Variants in EPC2 observed in about 807,000 individuals in gnomAD.
EPC2 encodes the protein enhancer of polycomb homolog 2.
Under a neutral mutation model 92.1 loss-of-function variants are expected in EPC2, and 14 were observed. The ratio of observed to expected loss-of-function variants is 0.15; its 90% CI spans 0.10 to 0.24. EPC2 has a LOEUF of 0.24. Among genes scored for constraint, EPC2 ranks in the 10% least tolerant of loss-of-function variants. The pLI is 1.00. For synonymous variants in EPC2, 340 were observed against 334.7 expected (o/e 1.02, Z -0.17); for missense variants, 755 against 971.5 (o/e 0.78, Z 2.96).
At chr2:148,661,973 A>G (rs1353119021) in intron 1 of EPC2, among the ~76,000 whole-genome samples, 2 of 152,202 alleles carry the variant, frequency 1.3e-5, no homozygotes, top group Admixed American at 6.5e-5. Flanking sequence ...CAAATTTACA[A>G]GAAAAAAACA....
Position 148,737,677 on chromosome 2 carries a change from A to AG in EPC2, c.314-5942dup, listed in dbSNP as rs1452887899. On this transcript the variant is annotated intron_variant, in intron 2 of 13. Coordinates refer to ENST00000258484, the MANE Select transcript of EPC2 (RefSeq NM_015630.4). ...AATAGTTGCATAGCTACACTGAATG[A>AG]GGGAAAGAGTAACTGTTGATTTCAG... Among the ~76,000 whole-genome samples, 3 of 152,152 alleles carry AG rather than the reference A, an allele frequency of 2.0e-5. No individual in the cohort carries two copies. The East Asian group carries it at 5.8e-4, about 29-fold the overall frequency.
chr2:148,721,518 A>G (rs937178683), intron 2 of EPC2, among the ~76,000 whole-genome samples: 2 of 151,684 alleles, frequency 1.3e-5, no homozygotes, highest in East Asian at 3.9e-4. Flanking sequence ...ATGCCTAACT[A>G]TAGGGTGGTT....
chr2:148,672,696 T>A (rs1681179980), intron 1 of EPC2, among the ~76,000 whole-genome samples: 1 of 152,192 alleles, frequency 6.6e-6, no homozygotes, highest in Non-Finnish European at 1.5e-5. Context: ...GTTTTTGTCT[T>A]TTAAGTTGTA....
chr2:148,672,644 ATT>A (rs539415385), intron 1 of EPC2, among the ~76,000 whole-genome samples: 1 of 152,076 alleles, frequency 6.6e-6, no homozygotes, highest in Non-Finnish European at 1.5e-5. Flanking sequence ...TCAAAATTAT[ATT>A]TTTTGTGTTT....
chr2:148,689,246 G>A (rs1204998752), intron 1 of EPC2, among the ~76,000 whole-genome samples: 1 of 151,516 alleles, frequency 6.6e-6, no homozygotes, highest in Non-Finnish European at 1.5e-5. Flanking sequence ...GGCGGATCTC[G>A]GCTCACTGTA....
intron 3 of EPC2, among the ~76,000 whole-genome samples, chr2:148,744,989 G>GGCCCC (rs1682952853): frequency 1.3e-4 from 6 of 46,296 alleles, no homozygotes; most frequent in East Asian, 5.0e-4. Context: ...CTATCAGTTT[G>GGCCCC]CCCCCCCCCC....
chr2:148,721,890 C>CTTTTTTTTTTTTTTTTTTTTTTTTTT, intron 2 of EPC2, among the ~76,000 whole-genome samples: 6 of 60,730 alleles, frequency 9.9e-5, no homozygotes, highest in African/African-American at 1.3e-4. Context: ...GTTTTGATTT[C>CTTTTTTTTTTTTTTTTTTTTTTTTTT]TTTTTTTTTT....
At chr2:148,706,453 C>T (rs936958816) in intron 2 of EPC2, among the ~76,000 whole-genome samples, 3 of 152,068 alleles carry the variant, frequency 2.0e-5, no homozygotes, top group East Asian at 1.9e-4. Context: ...ACTTCCCCAA[C>T]CTAGCAAGGC....
In EPC2 at chr2:148,761,936, A is replaced by C; in HGVS notation, c.815+6A>C. ...TTAGAAGTTGTGGAGAAAAGGTAAC[A>C]TTGCTCCTGTTACAACAGTAAAATG... On this transcript the variant is annotated splice_donor_region_variant and intron_variant, in intron 5 of 13. Transcript: ENST00000258484. 1 of 1,577,270 alleles carries C rather than the reference A, an allele frequency of 6.3e-7. No individual in the cohort carries two copies. The highest frequency in any genetic ancestry group is 8.6e-7 in the Non-Finnish European group (1 of 1,168,152).
chr2:148,691,026 A>G (rs916323070), intron 2 of EPC2, among the ~76,000 whole-genome samples: 1 of 152,152 alleles, frequency 6.6e-6, no homozygotes, highest in Non-Finnish European at 1.5e-5. Flanking sequence ...AATTTTTCAG[A>G]ATCAAATCTA....
chr2:148,708,792 C>T (rs1009578458), intron 2 of EPC2, among the ~76,000 whole-genome samples: 1 of 152,208 alleles, frequency 6.6e-6, no homozygotes. Flanking sequence ...CAAAATTCAG[C>T]ATCCCTTCAT....
intron 1 of EPC2, among the ~76,000 whole-genome samples, chr2:148,689,898 C>T (rs1477657610): frequency 6.6e-6 from 1 of 152,088 alleles, no homozygotes; most frequent in Non-Finnish European, 1.5e-5. Context: ...GTAGTGGTGA[C>T]AAACACCTCA....
intron 2 of EPC2, among the ~76,000 whole-genome samples, chr2:148,719,235 T>C (rs1184666430): frequency 1.3e-5 from 2 of 152,184 alleles, no homozygotes; most frequent in Non-Finnish European, 2.9e-5. Flanking sequence ...TGAAGTCTAC[T>C]TCTGTCATTT....
At chr2:148,739,386 C>T (rs554726978) in intron 2 of EPC2, among the ~76,000 whole-genome samples, 24 of 152,196 alleles carry the variant, frequency 1.6e-4, no homozygotes, top group Non-Finnish European at 2.9e-4. Flanking sequence ...TTTTTTGGCC[C>T]TGGAAAATTT....
chr2:148,722,520 AG>A (rs1558820500), intron 2 of EPC2, among the ~76,000 whole-genome samples: 1 of 152,206 alleles, frequency 6.6e-6, no homozygotes, highest in Admixed American at 6.5e-5. Flanking sequence ...AAAGTCAAAA[AG>A]TAACAGATGC....
At chr2:148,773,591 A>AC (rs1310322906) in intron 10 of EPC2, among the ~76,000 whole-genome samples, 1 of 151,922 alleles carries the variant, frequency 6.6e-6, no homozygotes, top group East Asian at 1.9e-4. Context: ...ACTGACTGTG[A>AC]CCCCTCTAGT....
chr2:148,731,693 C>T (rs528524689), intron 2 of EPC2, among the ~76,000 whole-genome samples: 1 of 152,238 alleles, frequency 6.6e-6, no homozygotes, highest in South Asian at 2.1e-4. Flanking sequence ...TGAGCCACTG[C>T]CCCCGGCCAG....
intron 1 of EPC2, among the ~76,000 whole-genome samples, chr2:148,649,101 A>G (rs1246466874): frequency 1.3e-5 from 2 of 152,220 alleles, no homozygotes; most frequent in Non-Finnish European, 2.9e-5. Context: ...TGATGTTTTT[A>G]CTAATACTTG....
At chr2:148,718,174 A>G (rs1477598660) in intron 2 of EPC2, among the ~76,000 whole-genome samples, 5 of 152,146 alleles carry the variant, frequency 3.3e-5, no homozygotes, top group African/African-American at 1.2e-4. Context: ...TAGCGTAGCA[A>G]TGGGTCTTGA....
Sources: gnomAD v4.1 joint callset for allele counts (sites outside exome capture counted in the v4.1 genomes callset) on GRCh38, gnomAD v4.1.1 for gene constraint, MANE v1.5 for transcripts, NCBI Gene and HGNC (gene_info 2026-07-23, HGNC 2026-07-21) for gene names.